The following EPC2 variants were observed in gnomAD, a reference collection of about 807,000 sequenced individuals.
EPC2 encodes enhancer of polycomb 2.
Under a neutral mutation model 92.1 loss-of-function variants are expected in EPC2, and 14 were observed. The ratio of observed to expected loss-of-function variants is 0.15; its 90% CI spans 0.10 to 0.24. EPC2 has a LOEUF of 0.24. EPC2 is among the 10% of genes least tolerant of loss of function. The probability of loss-of-function intolerance (pLI) is 1.00; values close to 1 mark genes in which losing one functional copy is unlikely to be tolerated. For missense variants in EPC2, 755 were observed against 971.5 expected (o/e 0.78, Z 2.96); for synonymous variants, 340 against 334.7 (o/e 1.02, Z -0.17).
intron 2 of EPC2, among the ~76,000 whole-genome samples, chr2:148,735,885 G>A (rs980174053): frequency 6.6e-6 from 1 of 151,878 alleles, no homozygotes; most frequent in Admixed American, 6.6e-5. Flanking sequence ...TTTGAATTGG[G>A]ATCCAGAAAA....
At chr2:148,684,449 GATGTT>G (rs1031902510) in intron 1 of EPC2, among the ~76,000 whole-genome samples, 4 of 152,128 alleles carry the variant, frequency 2.6e-5, no homozygotes, top group African/African-American at 9.7e-5. Context: ...GAGTTTTTCC[GATGTT>G]ATGTTCTAGA....
At chr2:148,737,528 C>T (rs921664496) in intron 2 of EPC2, among the ~76,000 whole-genome samples, 3 of 152,092 alleles carry the variant, frequency 2.0e-5, no homozygotes, top group Non-Finnish European at 4.4e-5. Flanking sequence ...TTCCACTACT[C>T]TCTTTCTCCT....
intron 2 of EPC2, among the ~76,000 whole-genome samples, chr2:148,710,453 G>C (rs1330352662): frequency 6.6e-6 from 1 of 152,188 alleles, no homozygotes; most frequent in Non-Finnish European, 1.5e-5. Context: ...ATTCCTCAAG[G>C]ATCTAGAACT....
intron 2 of EPC2, among the ~76,000 whole-genome samples, chr2:148,708,932 C>T (rs1479503840): frequency 6.6e-6 from 1 of 152,110 alleles, no homozygotes; most frequent in South Asian, 2.1e-4. Context: ...TAAAAACTGG[C>T]ACAAGACAGG....
At chr2:148,684,105 A>G (rs1277234699) in intron 1 of EPC2, among the ~76,000 whole-genome samples, 1 of 152,110 alleles carries the variant, frequency 6.6e-6, no homozygotes, top group Non-Finnish European at 1.5e-5. Context: ...CATTTCACTG[A>G]CGATTAGTGA....
At position 148,771,344 on chromosome 2, in the gene EPC2, A is replaced by G. The variant is rs374201174; in HGVS notation, c.1677A>G (p.Ala559=). 75 of 1,609,824 alleles carry G rather than the reference A, an allele frequency of 4.7e-5. No homozygotes were observed. The African/African-American group carries it at 9.4e-4, about 20-fold the overall frequency. ...GQTVNNKRVS[A]ASVALLNTSK... ...CTGTGAACAATAAAAGAGTTTCTGC[A>G]GCATCTGTAGCTTTATTGAACACCA... The change falls in exon 10 of 14, where the codon GCA becomes GCG. Residue 559 remains alanine (A), a synonymous_variant. Transcript: ENST00000258484.
At chr2:148,766,550 C>T (rs547164090) in intron 7 of EPC2, among the ~76,000 whole-genome samples, 2 of 152,062 alleles carry the variant, frequency 1.3e-5, no homozygotes, top group East Asian at 1.9e-4. Flanking sequence ...ATCAGATGAC[C>T]ATTTTGAAGG....
intron 7 of EPC2, among the ~76,000 whole-genome samples, chr2:148,767,337 C>T (rs1683430268): frequency 6.6e-6 from 1 of 152,096 alleles, no homozygotes; most frequent in Non-Finnish European, 1.5e-5. Flanking sequence ...ATTAAGGGAT[C>T]TTCATTTCTG....
Position 148,784,410 on chromosome 2 carries a change from A to G in EPC2, c.2018-258A>G, listed in dbSNP as rs74435493. ...CATCTGTCCTGTTATACTTAACTCC[A>G]CAGTTGCCAGATACAGGCAGCAGAA... On this transcript the variant is annotated intron_variant, in intron 12 of 13. Transcript: ENST00000258484. Among the ~76,000 whole-genome samples, 16 of 152,318 alleles carry G rather than the reference A, an allele frequency of 1.1e-4. No homozygotes were observed. In the East Asian group the frequency reaches 2.9e-3, roughly 28 times the overall value.
intron 1 of EPC2, among the ~76,000 whole-genome samples, chr2:148,666,107 T>A (rs141638425): frequency 6.6e-6 from 1 of 152,322 alleles, no homozygotes; most frequent in East Asian, 1.9e-4. Flanking sequence ...TCAAATTGTC[T>A]GTGGTGAAAG....
At chr2:148,686,715 A>G (rs901514973) in intron 1 of EPC2, among the ~76,000 whole-genome samples, 16 of 152,370 alleles carry the variant, frequency 1.1e-4, no homozygotes, top group African/African-American at 3.6e-4. Context: ...GTTCATCGCC[A>G]TCAGACTTCT....
chr2:148,713,347 CAA>C (rs1379592886), intron 2 of EPC2, among the ~76,000 whole-genome samples: 1 of 151,358 alleles, frequency 6.6e-6, no homozygotes, highest in Non-Finnish European at 1.5e-5. Flanking sequence ...GTTTTTGACA[CAA>C]AAAAATTTAT....
At chr2:148,654,182 C>T (rs1259351358) in intron 1 of EPC2, among the ~76,000 whole-genome samples, 7 of 152,112 alleles carry the variant, frequency 4.6e-5, no homozygotes, top group African/African-American at 1.2e-4. Flanking sequence ...CTCTTGACCT[C>T]GTGATCTGCC....
At chr2:148,655,659 C>T (rs528310793) in intron 1 of EPC2, among the ~76,000 whole-genome samples, 41 of 152,008 alleles carry the variant, frequency 2.7e-4, no homozygotes, top group African/African-American at 9.2e-4. Flanking sequence ...GTTCATGGAC[C>T]CCTTAGTTCT....
At position 148,764,941 on chromosome 2, in the gene EPC2, C is replaced by A; in HGVS notation, c.949-14C>A. 7.0e-7 allele frequency: 1 copy of A among 1,423,522 alleles called. No individual in the cohort carries two copies. The highest frequency in any genetic ancestry group is 1.8e-5 in the South Asian group (1 of 56,786). The allele number at this position is 1,423,522 out of a possible 1,614,324, so 88.2% of individuals were successfully genotyped here. A position where few individuals can be genotyped will look rare whatever the true frequency, so the allele number is the denominator to read the frequency against. On this transcript the variant is annotated splice_polypyrimidine_tract_variant and intron_variant, in intron 6 of 13. Coordinates refer to ENST00000258484, the MANE Select transcript of EPC2 (RefSeq NM_015630.4). ...TATTTCTTCCTTTTGGGGGAAAAAT[C>A]GTCATGTAAACAGCACCCTCATCAT... is the stretch of plus-strand genomic sequence containing the variant.
At chr2:148,744,283 G>GT (rs1337343723) in intron 3 of EPC2, among the ~76,000 whole-genome samples, 3 of 152,122 alleles carry the variant, frequency 2.0e-5, no homozygotes, top group Admixed American at 6.5e-5. Flanking sequence ...GTTAAGCAGT[G>GT]TAAGTCAGGA....
At chr2:148,761,315 A>G (rs955446461) in intron 4 of EPC2, among the ~76,000 whole-genome samples, 1 of 152,224 alleles carries the variant, frequency 6.6e-6, no homozygotes, top group Admixed American at 6.5e-5. Flanking sequence ...TCATGTTCAC[A>G]TAATAGTACA....
At chr2:148,694,145 G>A (rs1315943159) in intron 2 of EPC2, among the ~76,000 whole-genome samples, 3 of 152,160 alleles carry the variant, frequency 2.0e-5, no homozygotes, top group Admixed American at 1.3e-4. Flanking sequence ...ACTAAAAATT[G>A]TACACAGAAT....
intron 7 of EPC2, among the ~76,000 whole-genome samples, chr2:148,765,763 C>T (rs1683395996): frequency 1.3e-5 from 2 of 152,130 alleles, no homozygotes; most frequent in African/African-American, 2.4e-5. Flanking sequence ...TCCGGCCAGG[C>T]GTGGTGGCTC....
Sources: gnomAD v4.1 joint callset for allele counts (sites outside exome capture counted in the v4.1 genomes callset) on GRCh38, gnomAD v4.1.1 for gene constraint, MANE v1.5 for transcripts, NCBI Gene and HGNC (gene_info 2026-07-23, HGNC 2026-07-21) for gene names.